VRK2: variants seen among roughly 807,000 people sequenced by gnomAD.
VRK2 encodes VRK serine/threonine kinase 2, also known as serine/threonine-protein kinase VRK2.
In VRK2, 60 loss-of-function variants were observed where a neutral mutation model predicts 57.6. The observed-to-expected ratio is 1.04, with a 90% CI of 0.85 to 1.29. The LOEUF is 1.29. Ranked by LOEUF, VRK2 falls within the 50% of genes most tolerant of loss-of-function variation. The pLI, the probability that VRK2 is intolerant of heterozygous loss-of-function variation, is 0.00. For synonymous variants in VRK2, 231 were observed against 199.2 expected (o/e 1.16, Z -1.35); for missense variants, 705 against 588.1 (o/e 1.20, Z -2.06).
chr2:57,920,266 G>C (rs532044912), intron 1 of VRK2, among the ~76,000 whole-genome samples: 1 of 152,184 alleles, frequency 6.6e-6, no homozygotes, highest in East Asian at 1.9e-4. Flanking sequence ...ACAATGTCTG[G>C]ATGCCTCTGT....
intron 7 of VRK2, among the ~76,000 whole-genome samples, chr2:58,120,179 C>CTTTTTTTTTTTTTTTTTTTTTT (rs1677207512): frequency 1.1e-5 from 1 of 93,364 alleles, no homozygotes; most frequent in African/African-American, 4.6e-5. Flanking sequence ...ATTTTTTTTT[C>CTTTTTTTTTTTTTTTTTTTTTT]TTTTCTTTTT....
At chr2:58,062,966 A>G (rs371044092) in intron 2 of VRK2, among the ~76,000 whole-genome samples, 3 of 152,082 alleles carry the variant, frequency 2.0e-5, no homozygotes, top group African/African-American at 4.8e-5. Flanking sequence ...AGAGAAGTCA[A>G]TGCCTGGGTT....
chr2:57,914,878 G>C (rs1001117176), intron 1 of VRK2, among the ~76,000 whole-genome samples: 4 of 151,914 alleles, frequency 2.6e-5, no homozygotes, highest in Non-Finnish European at 4.4e-5. Flanking sequence ...AGTCTGGAGG[G>C]GATTCCATAA....
chr2:57,986,706 C>A (rs1672605770), intron 1 of VRK2, among the ~76,000 whole-genome samples: 1 of 148,170 alleles, frequency 6.7e-6, no homozygotes. Flanking sequence ...TCAAGCAATT[C>A]TCCCGCCTCA....
chr2:58,096,922 CAAA>C (rs1673226461), intron 7 of VRK2, among the ~76,000 whole-genome samples: 2 of 151,568 alleles, frequency 1.3e-5, no homozygotes, highest in East Asian at 1.9e-4. Context: ...TTTCTTTCAC[CAAA>C]AAAGTAGTTC....
At chr2:58,031,262 T>C (rs1382122903) in intron 2 of VRK2, among the ~76,000 whole-genome samples, 2 of 151,978 alleles carry the variant, frequency 1.3e-5, no homozygotes, top group East Asian at 3.9e-4. Flanking sequence ...TTAAGCAAAG[T>C]AGACTTAGAA....
intron 2 of VRK2, among the ~76,000 whole-genome samples, chr2:58,058,836 T>C (rs1457880974): frequency 5.9e-5 from 9 of 152,174 alleles, no homozygotes; most frequent in Admixed American, 1.3e-4. Context: ...AATTACCTCC[T>C]GGCCACAATT....
intron 1 of VRK2, among the ~76,000 whole-genome samples, chr2:57,945,690 A>G (rs1037335035): frequency 6.6e-6 from 1 of 152,192 alleles, no homozygotes; most frequent in African/African-American, 2.4e-5. Flanking sequence ...AAAGCTAGTC[A>G]CATGGACATG....
In VRK2 at chr2:58,099,797, C is replaced by T. The variant is rs532923975; in HGVS notation, c.543+10074C>T. 8.5e-5 allele frequency among the ~76,000 whole-genome samples: 13 copies of T among 152,136 alleles called. No homozygotes were observed. The East Asian group carries it at 2.5e-3, about 29-fold the overall frequency. ...AGACTAGGTTCTAGTTTCAGCACTGCCATTAAGCAGAATTGCAAATCACTT... is the reference window on the plus strand; with the variant it reads ...AGACTAGGTTCTAGTTTCAGCACTGTCATTAAGCAGAATTGCAAATCACTT... On this transcript the variant is annotated intron_variant, in intron 7 of 12. Transcript: ENST00000340157.
At chr2:57,987,923 C>T (rs557132060) in intron 1 of VRK2, among the ~76,000 whole-genome samples, 1 of 152,090 alleles carries the variant, frequency 6.6e-6, no homozygotes, top group Non-Finnish European at 1.5e-5. Context: ...TACTTAAAAA[C>T]TTAATTTACA....
chr2:57,995,912 G>A (rs1194116108), intron 1 of VRK2, among the ~76,000 whole-genome samples: 1 of 152,150 alleles, frequency 6.6e-6, no homozygotes, highest in East Asian at 1.9e-4. Flanking sequence ...AATAAGCAAA[G>A]TGCACTCAGT....
intron 2 of VRK2, among the ~76,000 whole-genome samples, chr2:58,028,126 C>G (rs923759303): frequency 1.3e-5 from 2 of 152,142 alleles, no homozygotes; most frequent in African/African-American, 4.8e-5. Flanking sequence ...TGCACCTGGA[C>G]TCGCCAGCTA....
intron 1 of VRK2, among the ~76,000 whole-genome samples, chr2:58,014,622 T>C (rs1673518928): frequency 6.6e-6 from 1 of 152,212 alleles, no homozygotes; most frequent in African/African-American, 2.4e-5. Context: ...GCATTTCAGT[T>C]CACAAATATG....
chr2:58,154,562 C>T (rs1440367429), intron 12 of VRK2, among the ~76,000 whole-genome samples: 1 of 152,012 alleles, frequency 6.6e-6, no homozygotes, highest in African/African-American at 2.4e-5. Context: ...TCCCTTCTAG[C>T]ATGACATTAG....
intron 1 of VRK2, among the ~76,000 whole-genome samples, chr2:57,929,620 A>T (rs1670654746): frequency 6.6e-6 from 1 of 151,896 alleles, no homozygotes; most frequent in Non-Finnish European, 1.5e-5. Context: ...CTTTTCCCAA[A>T]CAGAAGGAGT....
intron 1 of VRK2, among the ~76,000 whole-genome samples, chr2:57,965,861 T>C (rs1403018964): frequency 6.6e-6 from 1 of 152,206 alleles, no homozygotes; most frequent in African/African-American, 2.4e-5. Context: ...ATAGCATATA[T>C]GAATGGATTC....
At chr2:58,081,597 T>A (rs939810656) in intron 2 of VRK2, among the ~76,000 whole-genome samples, 1 of 152,050 alleles carries the variant, frequency 6.6e-6, no homozygotes, top group African/African-American at 2.4e-5. Flanking sequence ...AATTTCAAGG[T>A]ATTCATTCTA....
At chr2:58,060,018 C>A (rs1339471776) in intron 2 of VRK2, among the ~76,000 whole-genome samples, 3 of 151,768 alleles carry the variant, frequency 2.0e-5, no homozygotes, top group African/African-American at 7.2e-5. Context: ...TATCTTACAT[C>A]TCCAATGTCA....
chr2:58,089,667 G>A lies in VRK2; in HGVS notation c.487G>A (p.Val163Ile). Residue 163 changes from valine to isoleucine, a missense_variant, in exon 7 of 13, where the codon GTT becomes ATT. Val to Ile is a conservative substitution (Grantham distance 29). Transcript: ENST00000340157. ...GGAATATATACATGAAAATGAATAT[G>A]TTCATGGTGATATAAAAGCAGCAAA... ...VLEYIHENEY[V>I]HGDIKAANLL... The A allele has an allele frequency of 6.2e-7, 1 of 1,607,740 alleles. No individual in the cohort carries two copies. The highest frequency in any genetic ancestry group is 8.5e-7 in the Non-Finnish European group (1 of 1,175,952).
Sources: allele counts gnomAD v4.1 joint callset (sites outside exome capture counted in the v4.1 genomes callset), GRCh38; gene constraint gnomAD v4.1.1; transcripts MANE v1.5; gene names NCBI Gene and HGNC (gene_info 2026-07-23, HGNC 2026-07-21).